Variants in CCBE1 observed in about 807,000 individuals in gnomAD.
CCBE1 encodes the protein collagen and calcium-binding EGF domain-containing protein 1.
A neutral mutation model predicts 50.0 loss-of-function variants in CCBE1; 37 were observed. The observed-to-expected ratio is 0.74, with a 90% CI of 0.57 to 0.97. The LOEUF (loss-of-function observed/expected upper bound fraction) is 0.97, where lower values mean the gene tolerates loss of function less well. Ranked by LOEUF, CCBE1 falls within the 50% of genes least tolerant of loss-of-function variation. CCBE1 has a pLI of 0.00. For missense variants in CCBE1, 538 were observed against 523.8 expected, an observed-to-expected ratio of 1.03 and a Z score of -0.26; for synonymous variants, 234 against 203.7, an observed-to-expected ratio of 1.15 and a Z score of -1.27.
intron 2 of CCBE1, among the ~76,000 whole-genome samples, chr18:59,636,901 G>T (rs2053923503): frequency 6.6e-6 from 1 of 152,218 alleles, no homozygotes; most frequent in South Asian, 2.1e-4. Context: ...ACACTGGGAA[G>T]CAGTGATTAC....
intron 5 of CCBE1, 119 bp from the exon 6 acceptor site, chr18:59,455,070 G>T: frequency 1.3e-6 from 1 of 778,050 alleles, no homozygotes; most frequent in Non-Finnish European, 2.2e-6. Flanking sequence ...ACATGCGAGG[G>T]CTCAACTGTG....
intron 2 of CCBE1, among the ~76,000 whole-genome samples, chr18:59,581,220 A>G (rs2053079726): frequency 6.6e-6 from 1 of 152,138 alleles, no homozygotes; most frequent in Admixed American, 6.5e-5. Context: ...AGGTAGGCGG[A>G]TCACGAGGTC....
rs150596993 is a variant in CCBE1 at position 59,454,846 on chromosome 18, C to T, written c.654+5G>A. The T allele has an allele frequency of 1.6e-4, 266 of 1,613,306 alleles. 1 individual carries two copies. The highest frequency in any genetic ancestry group is 5.0e-4 in the Middle Eastern group (3 of 6,060). The stretch of plus-strand genomic sequence containing the variant: ...CATCATCGTTCCCACCCCAGCGGCA[C>T]GTACCTTTTGCTTCAGCTGCAGCAC... On this transcript the variant is annotated splice_donor_5th_base_variant and intron_variant, in intron 6 of 10. Coordinates refer to ENST00000439986, the MANE Select transcript of CCBE1 (RefSeq NM_133459.4).
rs118136395 is a variant in CCBE1, at chr18:59,636,382, G to A, written c.212+60247C>T. Reference sequence around the variant, plus strand: ...TTAACCGTAGACCCTGCCTCAAATAGGTCTATGTGAAATGCACAGAGCAAT... The same window carrying A: ...TTAACCGTAGACCCTGCCTCAAATAAGTCTATGTGAAATGCACAGAGCAAT... On this transcript the variant is annotated intron_variant, in intron 2 of 10. Transcript: ENST00000439986. Among the ~76,000 whole-genome samples, 394 of 152,308 alleles carry A rather than the reference G, an allele frequency of 2.6e-3. 9 individuals are homozygous for A. In the East Asian group the frequency reaches 0.037, roughly 14 times the overall value.
chr18:59,617,261 C>T (rs1244556439), intron 2 of CCBE1, among the ~76,000 whole-genome samples: 1 of 152,196 alleles, frequency 6.6e-6, no homozygotes, highest in Non-Finnish European at 1.5e-5. Context: ...TTTGCACGTC[C>T]CATTATTACC....
At chr18:59,487,494 C>T (rs1018959876) in intron 2 of CCBE1, among the ~76,000 whole-genome samples, 1 of 152,132 alleles carries the variant, frequency 6.6e-6, no homozygotes, top group Non-Finnish European at 1.5e-5. Context: ...TGAATAAAAT[C>T]AGTCTCACAT....
chr18:59,438,684 T>C (rs563378282), intron 9 of CCBE1, among the ~76,000 whole-genome samples: 1 of 152,228 alleles, frequency 6.6e-6, no homozygotes, highest in Admixed American at 6.5e-5. Flanking sequence ...TGGTTGTTTT[T>C]GTCTTTGGGG....
chr18:59,542,852 C>T (rs569538054), intron 2 of CCBE1, among the ~76,000 whole-genome samples: 1 of 152,280 alleles, frequency 6.6e-6, no homozygotes, highest in Non-Finnish European at 1.5e-5. Flanking sequence ...GAAGCTCTCA[C>T]CCACCAACAT....
intron 2 of CCBE1, among the ~76,000 whole-genome samples, chr18:59,550,671 A>C (rs911497448): frequency 1.3e-5 from 2 of 152,090 alleles, no homozygotes; most frequent in African/African-American, 4.8e-5. Context: ...CAAACCCCAA[A>C]CAGCAGGTGC....
chr18:59,502,776 G>A (rs1028337469), intron 2 of CCBE1, among the ~76,000 whole-genome samples: 3 of 152,130 alleles, frequency 2.0e-5, no homozygotes, highest in Non-Finnish European at 4.4e-5. Flanking sequence ...CTTTAAGAGC[G>A]CTGTGCTTGT....
intron 2 of CCBE1, among the ~76,000 whole-genome samples, chr18:59,528,272 C>T (rs933940403): frequency 1.3e-5 from 2 of 152,194 alleles, no homozygotes; most frequent in African/African-American, 4.8e-5. Context: ...GTCTATTTGG[C>T]TACTGATACT....
At position 59,466,832 on chromosome 18, in the gene CCBE1, A is replaced by C. The variant is rs796238108; in HGVS notation, c.460T>G (p.Leu154Val). 2 of 1,613,762 alleles carry C rather than the reference A, an allele frequency of 1.2e-6. No individual in the cohort carries two copies. The highest frequency in any genetic ancestry group is 1.7e-6 in the Non-Finnish European group (2 of 1,179,872). ...TLCAHICINT[L>V]GSYRCECREG... ...CGGCACTCGCAGCGGTAGCTGCCCA[A>C]GGTATTGATGCAGATGTGGGCACAC... The change falls in exon 5 of 11, where the codon TTG becomes GTG. Residue 154 changes from leucine (L) to valine (V), a missense_variant. Leu to Val is a conservative substitution (Grantham distance 32, BLOSUM62 1). Transcript: ENST00000439986.
intron 2 of CCBE1, among the ~76,000 whole-genome samples, chr18:59,636,251 C>A (rs1416463580): frequency 1.3e-5 from 2 of 151,986 alleles, no homozygotes; most frequent in East Asian, 1.9e-4. Flanking sequence ...AGAAAAAAAG[C>A]TATATTAAAA....
At chr18:59,674,027 C>T (rs1169953078) in intron 2 of CCBE1, among the ~76,000 whole-genome samples, 1 of 152,152 alleles carries the variant, frequency 6.6e-6, no homozygotes, top group Admixed American at 6.5e-5. Flanking sequence ...GTACCAGCTC[C>T]TCTTTGTACC....
At chr18:59,462,453 A>G (rs1440566981) in intron 5 of CCBE1, 1 of 151,924 alleles carries the variant, frequency 6.6e-6, no homozygotes, top group South Asian at 2.1e-4. Flanking sequence ...TGGTGCAATT[A>G]TAACTCACTG....
At chr18:59,440,871 G>T (rs892818951) in intron 7 of CCBE1, among the ~76,000 whole-genome samples, 1 of 152,170 alleles carries the variant, frequency 6.6e-6, no homozygotes, top group African/African-American at 2.4e-5. Context: ...AATCTACAGT[G>T]TGGGGAGAGA....
At chr18:59,528,734 G>C (rs1367374766) in intron 2 of CCBE1, among the ~76,000 whole-genome samples, 1 of 152,138 alleles carries the variant, frequency 6.6e-6, no homozygotes, top group African/African-American at 2.4e-5. Context: ...GCTGACATTT[G>C]CTGGGGGTTC....
intron 2 of CCBE1, among the ~76,000 whole-genome samples, chr18:59,540,099 A>G (rs1915411675): frequency 6.6e-6 from 1 of 152,216 alleles, no homozygotes; most frequent in Admixed American, 6.5e-5. Flanking sequence ...TTTAATAAGA[A>G]ATAGGAAGCA....
intron 6 of CCBE1, among the ~76,000 whole-genome samples, chr18:59,454,259 T>G (rs543685249): frequency 3.2e-4 from 49 of 152,284 alleles, no homozygotes; most frequent in Non-Finnish European, 6.5e-4. Context: ...AGAAATTTGT[T>G]TTGAGTTGGA....
Sources: allele counts gnomAD v4.1 joint callset (sites outside exome capture counted in the v4.1 genomes callset), GRCh38; gene constraint gnomAD v4.1.1; transcripts MANE v1.5; gene names NCBI Gene and HGNC (gene_info 2026-07-23, HGNC 2026-07-21).